Variants in TMEM108 observed in about 807,000 individuals in gnomAD.
TMEM108 encodes the protein cancer/testis antigen 124.
In TMEM108, 12 loss-of-function variants were observed where a neutral mutation model predicts 35.1. The observed-to-expected ratio is 0.34, with a 90% CI of 0.22 to 0.55. TMEM108 has a LOEUF of 0.55. Ranked by LOEUF, TMEM108 falls within the 20% of genes least tolerant of loss-of-function variation. The pLI is 0.89. For missense variants in TMEM108, 680 were observed against 753.3 expected, an observed-to-expected ratio of 0.90 and a Z score of 1.14; for synonymous variants, 287 against 308.6, an observed-to-expected ratio of 0.93 and a Z score of 0.73.
At chr3:133,175,614 G>A (rs1438228248) in intron 2 of TMEM108, among the ~76,000 whole-genome samples, 1 of 152,140 alleles carries the variant, frequency 6.6e-6, no homozygotes, top group African/African-American at 2.4e-5. Context: ...TTACAGACAA[G>A]CAAATGCTGA....
At chr3:133,116,226 T>A (rs1226277744) in intron 2 of TMEM108, among the ~76,000 whole-genome samples, 1 of 152,220 alleles carries the variant, frequency 6.6e-6, no homozygotes, top group Admixed American at 6.5e-5. Flanking sequence ...TTGTGATGCA[T>A]CAGTAATTTC....
intron 2 of TMEM108, among the ~76,000 whole-genome samples, chr3:133,194,298 A>G (rs1945545205): frequency 6.6e-6 from 1 of 152,080 alleles, no homozygotes; most frequent in Non-Finnish European, 1.5e-5. Context: ...TTCCCCACAA[A>G]TTAGTAATAT....
intron 3 of TMEM108, among the ~76,000 whole-genome samples, chr3:133,344,460 C>G (rs549300947): frequency 6.6e-6 from 1 of 151,374 alleles, no homozygotes; most frequent in Non-Finnish European, 1.5e-5. Context: ...GTAATAAATT[C>G]TGAATGCAAA....
At chr3:133,142,506 G>C (rs542595345) in intron 2 of TMEM108, among the ~76,000 whole-genome samples, 3 of 152,246 alleles carry the variant, frequency 2.0e-5, no homozygotes, top group Non-Finnish European at 4.4e-5. Flanking sequence ...GTGTGTGCTG[G>C]GAAGTAGAGG....
intron 2 of TMEM108, among the ~76,000 whole-genome samples, chr3:133,053,059 G>T (rs1017155580): frequency 6.6e-6 from 1 of 152,092 alleles, no homozygotes; most frequent in Non-Finnish European, 1.5e-5. Context: ...TTTCCCCGGT[G>T]CTGGCAGTGC....
rs150179582 is a variant in TMEM108 at position 133,310,200 on chromosome 3, T to A, written c.41-69552T>A. ...TCTGTTGATATGGGGTGGAGAGTTCTGTAGATGTCTATTAGGTCCACTTGG... is the reference window on the plus strand; with the variant it reads ...TCTGTTGATATGGGGTGGAGAGTTCAGTAGATGTCTATTAGGTCCACTTGG... On this transcript the variant is annotated intron_variant, in intron 3 of 5. Transcript: ENST00000321871. 4.2e-3 allele frequency among the ~76,000 whole-genome samples: 647 copies of A among 152,318 alleles called. 2 individuals are homozygous for A. The highest frequency in any genetic ancestry group is 0.014 in the African/African-American group (600 of 41,568).
At chr3:133,163,001 A>G (rs1040125254) in intron 2 of TMEM108, among the ~76,000 whole-genome samples, 1 of 152,206 alleles carries the variant, frequency 6.6e-6, no homozygotes, top group Non-Finnish European at 1.5e-5. Context: ...TATAGATTTT[A>G]GTAGGAAGTC....
chr3:133,058,202 C>T (rs1943495904), intron 2 of TMEM108, among the ~76,000 whole-genome samples: 2 of 152,136 alleles, frequency 1.3e-5, no homozygotes, highest in Non-Finnish European at 2.9e-5. Flanking sequence ...TGTGTAACAT[C>T]AGATATCCCA....
chr3:133,260,441 T>C (rs1412500834), intron 3 of TMEM108, among the ~76,000 whole-genome samples: 1 of 152,172 alleles, frequency 6.6e-6, no homozygotes, highest in African/African-American at 2.4e-5. Flanking sequence ...GAATGACACC[T>C]GCCAAGGTGA....
rs1463465655 is a variant in TMEM108, at chr3:133,396,997, G to A, written c.*1011G>A. On this transcript the variant is annotated 3_prime_UTR_variant, in exon 6 of 6. Coordinates refer to ENST00000321871, the MANE Select transcript of TMEM108 (RefSeq NM_023943.4). ...GATTGCCCAAACAAATCATTTGGGA[G>A]AAGACATCATTATACTCCTACTTGG... 2.0e-5 allele frequency: 3 copies of A among 152,184 alleles called. No individual in the cohort carries two copies. The highest frequency in any genetic ancestry group is 4.8e-5 in the African/African-American group (2 of 41,442). 9.4% of individuals were successfully genotyped at this position (152,184 alleles called of 1,614,324 possible). A position where few individuals can be genotyped will look rare whatever the true frequency, so the allele number is the denominator to read the frequency against.
chr3:133,126,784 A>G (rs775349149), intron 2 of TMEM108, among the ~76,000 whole-genome samples: 3 of 152,126 alleles, frequency 2.0e-5, no homozygotes, highest in Non-Finnish European at 2.9e-5. Flanking sequence ...ATATAAAATG[A>G]AGTATTTGTA....
At chr3:133,189,281 AAGG>A (rs936624873) in intron 2 of TMEM108, among the ~76,000 whole-genome samples, 9 of 152,156 alleles carry the variant, frequency 5.9e-5, no homozygotes, top group African/African-American at 2.2e-4. Flanking sequence ...TTTTCTTTGG[AAGG>A]AGATGACCTT....
At chr3:133,091,101 G>C (rs1943941994) in intron 2 of TMEM108, among the ~76,000 whole-genome samples, 1 of 152,136 alleles carries the variant, frequency 6.6e-6, no homozygotes, top group African/African-American at 2.4e-5. Flanking sequence ...AGAAGTACAT[G>C]AGAGTATCTA....
intron 3 of TMEM108, among the ~76,000 whole-genome samples, chr3:133,372,250 TCA>T (rs1382583191): frequency 6.6e-6 from 1 of 152,210 alleles, no homozygotes; most frequent in African/African-American, 2.4e-5. Flanking sequence ...CAAAAATTTC[TCA>T]GTTTCCAGGA....
Position 133,380,506 on chromosome 3 carries a change from A to T in TMEM108, c.795A>T (p.Ala265=). The change falls in exon 4 of 6, where the codon GCA becomes GCT. Residue 265 remains alanine (A), a synonymous_variant. Transcript: ENST00000321871. The surrounding 1 kb of genome is among the most constrained non-coding windows in gnomAD (Gnocchi z 5.3). The part of the protein sequence containing the change: ...ATTVPSNTSW[A]PTTTSLGPAK... ...CAGTGCCCAGCAATACCTCATGGGC[A>T]CCCACCACCACCTCCCTGGGGCCTG... The T allele has an allele frequency of 6.2e-7, 1 of 1,613,452 alleles. No homozygotes were observed. The highest frequency in any genetic ancestry group is 1.1e-5 in the South Asian group (1 of 91,062).
In TMEM108 at chr3:133,353,027, C is replaced by A. The variant is rs1451045947; in HGVS notation, c.41-26725C>A. ...CAGCCACCATCATCTCATTAGCATACAAAAAGAAGCTGTGTGCCAAGAAAC... is the reference window on the plus strand; with the variant it reads ...CAGCCACCATCATCTCATTAGCATAAAAAAAGAAGCTGTGTGCCAAGAAAC... On this transcript the variant is annotated intron_variant, in intron 3 of 5. Coordinates refer to ENST00000321871, the MANE Select transcript of TMEM108 (RefSeq NM_023943.4). 3.3e-5 allele frequency among the ~76,000 whole-genome samples: 5 copies of A among 152,142 alleles called. No individual in the cohort carries two copies. In the South Asian group the frequency reaches 1.0e-3, roughly 32 times the overall value.
rs576294378 is a variant in TMEM108 at position 133,388,603 on chromosome 3, A to T, written c.1451-1577A>T. On this transcript the variant is annotated intron_variant, in intron 4 of 5. Coordinates refer to ENST00000321871, the MANE Select transcript of TMEM108 (RefSeq NM_023943.4). Reference sequence around the variant, plus strand: ...TCCTTCTATGTTTTAAAGATTTTTTAAAAAGGATCTAGAAGACTGAAAAGC... The same window carrying T: ...TCCTTCTATGTTTTAAAGATTTTTTTAAAAGGATCTAGAAGACTGAAAAGC... 118 of 985,394 alleles carry T rather than the reference A, an allele frequency of 1.2e-4. 2 individuals carry two copies. In the Admixed American group the frequency reaches 7.0e-3, roughly 58 times the overall value. The allele number at this position is 985,394 out of a possible 1,614,324, so 61.0% of individuals were successfully genotyped here.
intron 2 of TMEM108, among the ~76,000 whole-genome samples, chr3:133,198,341 A>AGGAT (rs113794054): frequency 0.043 from 6,451 of 151,748 alleles, 170 homozygotes; most frequent in Non-Finnish European, 0.062. Flanking sequence ...CTTTGGGAGA[A>AGGAT]GCTTTCTTTA....
chr3:133,257,767 T>A (rs757153497), intron 3 of TMEM108, among the ~76,000 whole-genome samples: 3 of 152,232 alleles, frequency 2.0e-5, no homozygotes, highest in Non-Finnish European at 2.9e-5. Flanking sequence ...AGATACTGCC[T>A]AGTTGTAAAC....
Sources: allele counts gnomAD v4.1 joint callset (sites outside exome capture counted in the v4.1 genomes callset), GRCh38; gene constraint gnomAD v4.1.1; non-coding constraint Gnocchi (gnomAD v3.1); transcripts MANE v1.5; gene names NCBI Gene and HGNC (gene_info 2026-07-23, HGNC 2026-07-21).